Variants in LYRM7 observed in about 807,000 individuals in gnomAD.
LYRM7 encodes complex III assembly factor LYRM7.
Under a neutral mutation model 15.8 loss-of-function variants are expected in LYRM7, and 9 were observed. The ratio of observed to expected loss-of-function variants is 0.57; its 90% CI spans 0.34 to 0.99. LYRM7 has a LOEUF of 0.99. Among genes scored for constraint, LYRM7 ranks in the 50% least tolerant of loss-of-function variants. LYRM7 has a pLI of 0.02. For synonymous variants in LYRM7, 39 were observed against 39.4 expected (o/e 0.99, Z 0.04); for missense variants, 115 against 119.1 (o/e 0.97, Z 0.16).
intron 1 of LYRM7, among the ~76,000 whole-genome samples, chr5:131,172,532 C>T (rs1052901425): frequency 2.0e-5 from 3 of 152,094 alleles, no homozygotes; most frequent in African/African-American, 2.4e-5. Flanking sequence ...ATGGAAAGTC[C>T]TTGAAGTGGG....
chr5:131,175,749 GGTTTT>G (rs1554089541), intron 1 of LYRM7, among the ~76,000 whole-genome samples: 285 of 151,110 alleles, frequency 1.9e-3, no homozygotes, highest in African/African-American at 2.8e-3. Flanking sequence ...TGCCCAGGCT[GGTTTT>G]GTTTTGTTTT....
intron 4 of LYRM7, among the ~76,000 whole-genome samples, chr5:131,196,102 CTTTTTT>C (rs561484173): frequency 2.3e-5 from 3 of 131,014 alleles, no homozygotes; most frequent in Admixed American, 7.8e-5. Flanking sequence ...TTCTCCTGTT[CTTTTTT>C]TTTTTTTTTT....
rs1411319157 is a variant in LYRM7, at chr5:131,205,313, G to T, written c.*5712G>T. 1 of 152,162 alleles carries T rather than the reference G, an allele frequency of 6.6e-6. No individual in the cohort carries two copies. Among genetic ancestry groups the T allele is most frequent in the Non-Finnish European group, 1.5e-5 (1 of 68,028 alleles). 9.4% of individuals were successfully genotyped at this position (152,162 alleles called of 1,614,324 possible). A position where few individuals can be genotyped will look rare whatever the true frequency, so the allele number is the denominator to read the frequency against. Reference sequence around the variant, plus strand: ...AATGGCGTTATGCTCCATGTATTCTGCAACTTTTCATCATACATTAGGTTT... The same window carrying T: ...AATGGCGTTATGCTCCATGTATTCTTCAACTTTTCATCATACATTAGGTTT... On this transcript the variant is annotated 3_prime_UTR_variant, in exon 5 of 5. Coordinates refer to ENST00000379380, the MANE Select transcript of LYRM7 (RefSeq NM_181705.4).
At position 131,195,583 on chromosome 5, in the gene LYRM7, C is replaced by A. The variant is rs573332252; in HGVS notation, c.245-3948C>A. Among the ~76,000 whole-genome samples the A allele has an allele frequency of 2.6e-5, 4 of 152,282 alleles. No individual in the cohort carries two copies. In the South Asian group the frequency reaches 6.2e-4, roughly 24 times the overall value. Reference sequence around the variant, plus strand: ...ATTAGATATATGATTCATTTACTGACTGGAACTTACTATTCTTCATTGCTT... The same window carrying A: ...ATTAGATATATGATTCATTTACTGAATGGAACTTACTATTCTTCATTGCTT... On this transcript the variant is annotated intron_variant, in intron 4 of 4. Transcript: ENST00000379380.
chr5:131,195,277 A>T (rs1370291077), intron 4 of LYRM7, among the ~76,000 whole-genome samples: 1 of 152,094 alleles, frequency 6.6e-6, no homozygotes, highest in African/African-American at 2.4e-5. Flanking sequence ...TGTCTCAAAA[A>T]ATAATAATAA....
chr5:131,195,276 AAATAAT>A (rs1755946628), intron 4 of LYRM7, among the ~76,000 whole-genome samples: 1 of 152,230 alleles, frequency 6.6e-6, no homozygotes, highest in South Asian at 2.1e-4. Flanking sequence ...CTGTCTCAAA[AAATAAT>A]AATAATGATA....
rs1756046847 is a variant in LYRM7 at position 131,200,664 on chromosome 5, A to T, written c.*1063A>T. 6.6e-6 allele frequency: 1 copy of T among 152,270 alleles called. No homozygotes were observed. Among genetic ancestry groups the T allele is most frequent in the Non-Finnish European group, 1.5e-5 (1 of 68,036 alleles). 9.4% of individuals were successfully genotyped at this position (152,270 alleles called of 1,614,324 possible). A position where few individuals can be genotyped will look rare whatever the true frequency, so the allele number is the denominator to read the frequency against. Reference sequence around the variant, plus strand: ...GCATTGTTATGTATCTAGAAATTATACCTAGAGAAAAATGAAAGTCGTTTC... The same window carrying T: ...GCATTGTTATGTATCTAGAAATTATTCCTAGAGAAAAATGAAAGTCGTTTC... On this transcript the variant is annotated 3_prime_UTR_variant, in exon 5 of 5. Transcript: ENST00000379380.
rs1297061761 is a variant in LYRM7 at position 131,203,725 on chromosome 5, A to G, written c.*4124A>G. ...AGAAAAAACATTTATCGAAATCCCA[A>G]CAAGTTGACAAATATATCCACATAA... On this transcript the variant is annotated 3_prime_UTR_variant, in exon 5 of 5. Transcript: ENST00000379380. The G allele has an allele frequency of 1.3e-5, 2 of 152,352 alleles. No homozygotes were observed. The highest frequency in any genetic ancestry group is 4.8e-5 in the African/African-American group (2 of 41,446). The allele number at this position is 152,352 out of a possible 1,614,324, so 9.4% of individuals were successfully genotyped here. A position where few individuals can be genotyped will look rare whatever the true frequency, so the allele number is the denominator to read the frequency against.
intron 1 of LYRM7, among the ~76,000 whole-genome samples, chr5:131,177,854 A>G (rs544483197): frequency 1.4e-4 from 22 of 151,884 alleles, no homozygotes; most frequent in South Asian, 1.0e-3. Context: ...CTGCTAATCT[A>G]GCTGTTGGGC....
At chr5:131,191,781 A>G (rs1039598491) in intron 4 of LYRM7, among the ~76,000 whole-genome samples, 1 of 152,172 alleles carries the variant, frequency 6.6e-6, no homozygotes, top group Admixed American at 6.5e-5. Flanking sequence ...GAGAACTCTT[A>G]TACACTGTTG....
At chr5:131,181,720 G>A (rs1755716886) in intron 2 of LYRM7, among the ~76,000 whole-genome samples, 1 of 151,504 alleles carries the variant, frequency 6.6e-6, no homozygotes, top group Admixed American at 6.6e-5. Flanking sequence ...ATTCTCAGTG[G>A]TATATGTAAA....
At chr5:131,184,269 C>G (rs1282374676) in intron 3 of LYRM7, among the ~76,000 whole-genome samples, 1 of 152,080 alleles carries the variant, frequency 6.6e-6, no homozygotes, top group African/African-American at 2.4e-5. Context: ...GCCCAGCCCC[C>G]TGCAATATGT....
intron 2 of LYRM7, among the ~76,000 whole-genome samples, chr5:131,181,159 C>T (rs1755684453): frequency 6.8e-6 from 1 of 146,346 alleles, no homozygotes; most frequent in Admixed American, 7.1e-5. Flanking sequence ...GGCATGGTGG[C>T]ACACACCTGT....
intron 1 of LYRM7, among the ~76,000 whole-genome samples, chr5:131,176,426 T>G (rs1755603637): frequency 6.6e-6 from 1 of 152,172 alleles, no homozygotes; most frequent in Non-Finnish European, 1.5e-5. Context: ...GCCATTCTAC[T>G]GGGATGAAAT....
At chr5:131,171,837 T>C (rs548411279) in intron 1 of LYRM7, 1 of 152,352 alleles carries the variant, frequency 6.6e-6, no homozygotes, top group African/African-American at 2.4e-5. Flanking sequence ...CTTCATGTAC[T>C]TTTGTACATA....
chr5:131,181,587 G>A (rs987161533), intron 2 of LYRM7, among the ~76,000 whole-genome samples: 44 of 150,276 alleles, frequency 2.9e-4, no homozygotes, highest in Non-Finnish European at 3.7e-4. Flanking sequence ...ATAGTTATAA[G>A]AACAGCTAAC....
chr5:131,190,017 C>T (rs1050353001), intron 4 of LYRM7, among the ~76,000 whole-genome samples: 2 of 151,612 alleles, frequency 1.3e-5, no homozygotes, highest in African/African-American at 4.8e-5. Flanking sequence ...ACCCATGGCC[C>T]CAGCTACTAG....
At chr5:131,176,039 C>T (rs1000582311) in intron 1 of LYRM7, among the ~76,000 whole-genome samples, 1 of 152,150 alleles carries the variant, frequency 6.6e-6, no homozygotes, top group African/African-American at 2.4e-5. Flanking sequence ...AGATTACAGG[C>T]GTGAGCCACT....
chr5:131,190,853 A>G (rs1755875078), intron 4 of LYRM7, among the ~76,000 whole-genome samples: 1 of 152,158 alleles, frequency 6.6e-6, no homozygotes, highest in Non-Finnish European at 1.5e-5. Flanking sequence ...ATGTGTAGTC[A>G]TCAGCTTTTA....
Sources: gnomAD v4.1 joint callset for allele counts (sites outside exome capture counted in the v4.1 genomes callset) on GRCh38, gnomAD v4.1.1 for gene constraint, MANE v1.5 for transcripts, NCBI Gene and HGNC (gene_info 2026-07-23, HGNC 2026-07-21) for gene names.